Variants in KIF15 observed in about 807,000 individuals in gnomAD.
KIF15 encodes the protein kinesin family member 15.
Under a neutral mutation model 190.6 loss-of-function variants are expected in KIF15, and 140 were observed. The observed-to-expected ratio is 0.73, with a 90% confidence interval of 0.64 to 0.84. The LOEUF (loss-of-function observed/expected upper bound fraction) is 0.84. KIF15 is among the 40% of genes least tolerant of loss of function. KIF15 has a pLI of 0.00. For synonymous variants in KIF15, 528 were observed against 551.3 expected, an observed-to-expected ratio of 0.96 and a Z score of 0.59; for missense variants, 1,372 against 1,584.4, an observed-to-expected ratio of 0.87 and a Z score of 2.28.
intron 1 of KIF15, among the ~76,000 whole-genome samples, chr3:44,772,929 G>C (rs1040750890): frequency 2.0e-5 from 3 of 152,098 alleles, no homozygotes; most frequent in African/African-American, 7.2e-5. Flanking sequence ...AGTTTGCCGG[G>C]CTGGTTTGAA....
At chr3:44,802,768 G>C in intron 13 of KIF15, 46 bp from the exon 14 acceptor site, 1 of 1,464,846 alleles carries the variant, frequency 6.8e-7, no homozygotes, top group South Asian at 1.5e-5. Context: ...ATTCACTAAG[G>C]AAATGTTTGT....
chr3:44,815,356 A>G (rs1003383554), intron 20 of KIF15, among the ~76,000 whole-genome samples: 1 of 152,206 alleles, frequency 6.6e-6, no homozygotes, highest in Admixed American at 6.5e-5. Context: ...CTATGTGACA[A>G]GGAACAGATT....
intron 11 of KIF15, 21 bp downstream of exon 11, chr3:44,800,458 T>G (rs1707213451): frequency 2.5e-6 from 4 of 1,609,772 alleles, no homozygotes; most frequent in Non-Finnish European, 3.4e-6. Flanking sequence ...CACACAGTCC[T>G]TTATCTTGGG....
At chr3:44,818,065 A>G (rs1290249919) in intron 20 of KIF15, among the ~76,000 whole-genome samples, 1 of 152,184 alleles carries the variant, frequency 6.6e-6, no homozygotes, top group East Asian at 1.9e-4. Context: ...GTACATAGGA[A>G]TGCTTGTGAT....
intron 15 of KIF15, 102 bp from the exon 16 acceptor site, chr3:44,805,743 G>C (rs760043974): frequency 6.7e-6 from 7 of 1,042,388 alleles, no homozygotes; most frequent in Non-Finnish European, 7.1e-6. Context: ...CTCTGATTTA[G>C]AGATAACTAT....
At chr3:44,807,063 G>T (rs1179639302) in intron 16 of KIF15, among the ~76,000 whole-genome samples, 1 of 152,078 alleles carries the variant, frequency 6.6e-6, no homozygotes, top group African/African-American at 2.4e-5. Flanking sequence ...TTCAATAAAA[G>T]AAAGAAATAG....
At chr3:44,860,842 A>T (rs1435866411) in intron 6 of KIF15, among the ~76,000 whole-genome samples, 3 of 152,162 alleles carry the variant, frequency 2.0e-5, no homozygotes, top group Non-Finnish European at 2.9e-5. Context: ...ATATTCTATA[A>T]TTTTTTTAAC....
chr3:44,861,931 G>A, intron 6 of KIF15: 3 of 1,442,202 alleles, frequency 2.1e-6, no homozygotes, highest in South Asian at 1.4e-5. Context: ...CAACATGGCC[G>A]AGAGGCCGGG....
rs747925286 is a variant in KIF15 at position 44,801,871 on chromosome 3, G to T, written c.1406G>T (p.Arg469Leu). ...IVKFREDQII[R>L]LEKLHKESRG... ...AAATTCCGAGAGGATCAAATAATACGCTTGGAAAAGCTCCACAAGGAATCC... is the reference window on the plus strand; with the variant it reads ...AAATTCCGAGAGGATCAAATAATACTCTTGGAAAAGCTCCACAAGGAATCC... The change falls in exon 13 of 35, where the codon CGC becomes CTC. Residue 469 changes from arginine to leucine, a missense_variant. Arg to Leu is a moderately radical substitution (Grantham distance 102). Transcript: ENST00000326047. The T allele has an allele frequency of 1.2e-6, 2 of 1,612,548 alleles. No individual in the cohort carries two copies. Among genetic ancestry groups the T allele is most frequent in the African/African-American group, 1.3e-5 (1 of 74,872 alleles).
chr3:44,838,613 TG>T (rs991750314), intron 27 of KIF15, among the ~76,000 whole-genome samples, 192 bp downstream of exon 27: 20 of 152,180 alleles, frequency 1.3e-4, no homozygotes, highest in Admixed American at 1.1e-3. Context: ...CCGGGCGTGG[TG>T]GCGCTCACCT....
chr3:44,862,028 G>T, intron 6 of KIF15: 1 of 1,382,802 alleles, frequency 7.2e-7, no homozygotes, highest in Admixed American at 3.6e-5. Context: ...GCGATGCGGC[G>T]CCGCTTTTGG....
intron 15 of KIF15, among the ~76,000 whole-genome samples, 168 bp downstream of exon 15, chr3:44,805,336 A>G (rs1161001261): frequency 6.6e-6 from 1 of 152,204 alleles, no homozygotes; most frequent in Non-Finnish European, 1.5e-5. Context: ...CTTTACTAAT[A>G]TATTCAATGA....
intron 20 of KIF15, among the ~76,000 whole-genome samples, chr3:44,819,314 C>T (rs1193438642): frequency 6.6e-6 from 1 of 152,118 alleles, no homozygotes; most frequent in Non-Finnish European, 1.5e-5. Flanking sequence ...TCTTGCTTCT[C>T]TAGTTCTTTT....
At chr3:44,792,707 C>T (rs550674310) in intron 7 of KIF15, among the ~76,000 whole-genome samples, 6 of 152,014 alleles carry the variant, frequency 3.9e-5, no homozygotes, top group East Asian at 1.9e-4. Flanking sequence ...CCACCACACC[C>T]GGCTAATTTT....
intron 26 of KIF15, among the ~76,000 whole-genome samples, chr3:44,833,384 C>T (rs1243468694): frequency 2.0e-5 from 3 of 151,752 alleles, no homozygotes; most frequent in Non-Finnish European, 4.4e-5. Context: ...AATAGTTGTA[C>T]AACTCACCGT....
At chr3:44,846,849 C>A (rs1363604203) in intron 30 of KIF15, among the ~76,000 whole-genome samples, 1 of 151,152 alleles carries the variant, frequency 6.6e-6, no homozygotes, top group Non-Finnish European at 1.5e-5. Context: ...TCAGAACCTT[C>A]TTTGTGAAAA....
At chr3:44,850,796 A>G (rs1042264783) in intron 32 of KIF15, among the ~76,000 whole-genome samples, 11 of 152,164 alleles carry the variant, frequency 7.2e-5, no homozygotes, top group Admixed American at 5.2e-4. Flanking sequence ...ATTAAATTTT[A>G]TGTATTATAT....
chr3:44,861,758 T>G, intron 6 of KIF15: 1 of 712,326 alleles, frequency 1.4e-6, no homozygotes. Flanking sequence ...CAGCCCAGGG[T>G]CTCTGCCACC....
At chr3:44,791,963 C>T (rs1211560916) in intron 7 of KIF15, among the ~76,000 whole-genome samples, 2 of 151,976 alleles carry the variant, frequency 1.3e-5, no homozygotes, top group African/African-American at 4.8e-5. Context: ...AGGTAATCCA[C>T]CTGCCTTGGC....
Sources: allele counts gnomAD v4.1 joint callset (sites outside exome capture counted in the v4.1 genomes callset), GRCh38; gene constraint gnomAD v4.1.1; transcripts MANE v1.5; gene names NCBI Gene and HGNC (gene_info 2026-07-23, HGNC 2026-07-21).